Variants in UBR1 observed in about 807,000 individuals in gnomAD.
UBR1 encodes ubiquitin protein ligase E3 component n-recognin 1.
UBR1 carries 102 observed loss-of-function variants against 242.1 expected under a neutral mutation model. The observed-to-expected ratio is 0.42, with a 90% CI of 0.36 to 0.50. The LOEUF is 0.50. UBR1 is among the 20% of genes least tolerant of loss of function. UBR1 has a pLI of 0.01. For missense variants in UBR1, 1,772 were observed against 2,101.8 expected (o/e 0.84, Z 3.07); for synonymous variants, 675 against 684.8 (o/e 0.99, Z 0.22).
intron 12 of UBR1, 109 bp downstream of exon 12, chr15:43,054,633 T>C: frequency 8.1e-7 from 1 of 1,236,738 alleles, no homozygotes; most frequent in South Asian, 1.2e-5. Context: ...GCCATCATTA[T>C]AAAGAGAATT....
chr15:42,967,200 G>C (rs981622465), intron 40 of UBR1, among the ~76,000 whole-genome samples: 194 of 149,352 alleles, frequency 1.3e-3, no homozygotes, highest in African/African-American at 4.5e-3. Flanking sequence ...TTATAGGTCT[G>C]AGTGACCATG....
intron 14 of UBR1, 94 bp downstream of exon 14, chr15:43,047,067 A>G: frequency 6.9e-7 from 1 of 1,438,938 alleles, no homozygotes; most frequent in Admixed American, 1.8e-5. Flanking sequence ...AATAATAAAA[A>G]CTTTACATCA....
chr15:43,058,878 C>T (rs2033649316), intron 9 of UBR1, among the ~76,000 whole-genome samples: 1 of 152,078 alleles, frequency 6.6e-6, no homozygotes, highest in Non-Finnish European at 1.5e-5. Flanking sequence ...AATGAAAAGA[C>T]TCTATAATTA....
intron 29 of UBR1, among the ~76,000 whole-genome samples, chr15:43,014,346 G>A (rs1372990224): frequency 7.4e-5 from 11 of 147,760 alleles, no homozygotes; most frequent in South Asian, 2.2e-4. Context: ...GCCGCGCATC[G>A]TCTGGGATGT....
intron 43 of UBR1, among the ~76,000 whole-genome samples, chr15:42,958,726 C>T (rs2031964767): frequency 6.6e-6 from 1 of 152,110 alleles, no homozygotes; most frequent in African/African-American, 2.4e-5. Flanking sequence ...CTCATTCTCA[C>T]CAAACTAGAT....
At position 42,988,975 on chromosome 15, in the gene UBR1, T is replaced by C; in HGVS notation, c.3849-8A>G. ...CTATTTGAATATTTAATCCTATAAA[T>C]AAAACAAGAAAATTTGTATGATTTA... On this transcript the variant is annotated splice_region_variant and splice_polypyrimidine_tract_variant and intron_variant, in intron 34 of 46. Coordinates refer to ENST00000290650, the MANE Select transcript of UBR1 (RefSeq NM_174916.3). The C allele has an allele frequency of 1.9e-6, 3 of 1,590,182 alleles. No homozygotes were observed. Among genetic ancestry groups the C allele is most frequent in the Non-Finnish European group, 2.6e-6 (3 of 1,159,046 alleles).
Position 43,059,710 on chromosome 15 carries a change from C to A in UBR1, c.977G>T (p.Ser326Ile). 1 of 1,613,796 alleles carries A rather than the reference C, an allele frequency of 6.2e-7. No homozygotes were observed. The highest frequency in any genetic ancestry group is 2.2e-5 in the East Asian group (1 of 44,854). Reference protein sequence around the residue: ...RLGSWMNKIMSYSSDFRQIFC... With the variant: ...RLGSWMNKIMIYSSDFRQIFC... The stretch of plus-strand genomic sequence containing the variant: ...ACAGGAGGTATGCTTACTTGAATAG[C>A]TCATAATTTTGTTCATCCAGGAACC... The change falls in exon 8 of 47, where the codon AGC becomes ATC. Residue 326 changes from serine to isoleucine, a missense_variant. Physicochemically the swap from Ser to Ile is moderately radical, Grantham distance 142. Around this residue, in one of 3 missense-constraint regions of UBR1, gnomAD observed 734 missense variants for 893.3 expected, o/e 0.82. Coordinates refer to ENST00000290650, the MANE Select transcript of UBR1 (RefSeq NM_174916.3).
intron 1 of UBR1, among the ~76,000 whole-genome samples, chr15:43,091,099 T>A (rs2034100908): frequency 6.6e-6 from 1 of 152,074 alleles, no homozygotes; most frequent in Admixed American, 6.5e-5. Flanking sequence ...CCACCACGCC[T>A]GGCTAATTTT....
intron 12 of UBR1, among the ~76,000 whole-genome samples, chr15:43,048,912 G>C (rs1278106117): frequency 6.6e-6 from 1 of 152,196 alleles, no homozygotes; most frequent in East Asian, 1.9e-4. Flanking sequence ...TCATAACCCA[G>C]AACTTGGAAG....
rs2141337596 is a variant in UBR1 at position 43,059,950 on chromosome 15, C to G, written c.861+102G>C. The G allele has an allele frequency of 2.6e-6, 4 of 1,546,930 alleles. No individual in the cohort carries two copies. The South Asian group carries it at 4.5e-5, about 17-fold the overall frequency. On this transcript the variant is annotated intron_variant, in intron 7 of 46. Coordinates refer to ENST00000290650, the MANE Select transcript of UBR1 (RefSeq NM_174916.3). Reference sequence around the variant, plus strand: ...TCCAAATCTCTGCATCTAGGTGCCCCAAACCACTTCAACGACATCATCACT... The same window carrying G: ...TCCAAATCTCTGCATCTAGGTGCCCGAAACCACTTCAACGACATCATCACT...
chr15:43,062,851 C>T (rs2033705157), intron 6 of UBR1, among the ~76,000 whole-genome samples: 1 of 152,162 alleles, frequency 6.6e-6, no homozygotes, highest in African/African-American at 2.4e-5. Context: ...TCTTCTCTTC[C>T]CCATACTCCC....
In UBR1 at chr15:42,998,276, A is replaced by C. The variant is rs1344906991; in HGVS notation, c.3660-11T>G. ...GCATCTGCATTCTCACTGAAAAATG[A>C]TATTTAAAAATTATTACAACCATGG... On this transcript the variant is annotated splice_polypyrimidine_tract_variant and intron_variant, in intron 32 of 46. Coordinates refer to ENST00000290650, the MANE Select transcript of UBR1 (RefSeq NM_174916.3). 3 of 1,609,186 alleles carry C rather than the reference A, an allele frequency of 1.9e-6. No individual in the cohort carries two copies. Among genetic ancestry groups the C allele is most frequent in the Non-Finnish European group, 2.6e-6 (3 of 1,175,806 alleles).
intron 1 of UBR1, among the ~76,000 whole-genome samples, chr15:43,090,898 T>C (rs948138338): frequency 1.7e-4 from 26 of 152,188 alleles, no homozygotes; most frequent in African/African-American, 6.3e-4. Flanking sequence ...CCCATTCTAC[T>C]AAACCAAACA....
chr15:43,030,662 G>A (rs1353925194), intron 20 of UBR1, among the ~76,000 whole-genome samples: 2 of 152,106 alleles, frequency 1.3e-5, no homozygotes, highest in African/African-American at 2.4e-5. Context: ...GCCAAATGAA[G>A]AGAGAAAATA....
chr15:43,100,419 T>C (rs556154811), intron 1 of UBR1, among the ~76,000 whole-genome samples: 1 of 152,168 alleles, frequency 6.6e-6, no homozygotes, highest in African/African-American at 2.4e-5. Flanking sequence ...TTCCCTTTTT[T>C]CTATCTACAA....
At chr15:43,028,780 A>AT (rs1416979601) in intron 21 of UBR1, among the ~76,000 whole-genome samples, 12 of 146,960 alleles carry the variant, frequency 8.2e-5, no homozygotes, top group African/African-American at 1.5e-4. Context: ...ACAACAAAAA[A>AT]ATATATATAT....
At chr15:43,095,900 C>T (rs1197544151) in intron 1 of UBR1, among the ~76,000 whole-genome samples, 2 of 152,156 alleles carry the variant, frequency 1.3e-5, no homozygotes, top group South Asian at 2.1e-4. Context: ...AAGACTACCA[C>T]AATAGAGTGA....
intron 38 of UBR1, among the ~76,000 whole-genome samples, chr15:42,977,625 T>C (rs2032310036): frequency 6.6e-6 from 1 of 151,422 alleles, no homozygotes. Context: ...AAGGCTTGTC[T>C]GTACAGACAC....
At chr15:43,051,683 A>G (rs2033558838) in intron 12 of UBR1, among the ~76,000 whole-genome samples, 1 of 152,218 alleles carries the variant, frequency 6.6e-6, no homozygotes, top group Admixed American at 6.5e-5. Context: ...GTTTCTAACA[A>G]TCTCACATAG....
Sources: gnomAD v4.1 joint callset for allele counts (sites outside exome capture counted in the v4.1 genomes callset) on GRCh38, gnomAD v4.1.1 for gene constraint, gnomAD v4.1.1 regional missense constraint, MANE v1.5 for transcripts, NCBI Gene and HGNC (gene_info 2026-07-23, HGNC 2026-07-21) for gene names.